PRR5L: variants seen among roughly 807,000 people sequenced by gnomAD.
The protein encoded by PRR5L is proline rich 5 like.
PRR5L carries 21 observed loss-of-function variants against 36.4 expected under a neutral mutation model. The ratio of observed to expected loss-of-function variants is 0.58; its 90% CI spans 0.41 to 0.83. The LOEUF is 0.83. PRR5L is among the 40% of genes least tolerant of loss of function. The pLI is 0.00. For synonymous variants in PRR5L, 188 were observed against 197.0 expected (o/e 0.95, Z 0.38); for missense variants, 381 against 473.3 (o/e 0.80, Z 1.81).
chr11:36,407,294 A>G (rs1857931481), intron 3 of PRR5L, among the ~76,000 whole-genome samples: 2 of 152,180 alleles, frequency 1.3e-5, no homozygotes, highest in South Asian at 4.1e-4. Flanking sequence ...GTTTGAGACC[A>G]GCTTTAATGA....
chr11:36,306,570 T>C (rs1418067752), intron 1 of PRR5L, among the ~76,000 whole-genome samples: 3 of 152,198 alleles, frequency 2.0e-5, no homozygotes, highest in African/African-American at 7.2e-5. Flanking sequence ...CTACCTTCGT[T>C]GTTGCTTCCA....
chr11:36,442,236 T>C (rs1858737087), intron 6 of PRR5L, among the ~76,000 whole-genome samples: 1 of 152,188 alleles, frequency 6.6e-6, no homozygotes, highest in South Asian at 2.1e-4. Flanking sequence ...TTATGCTCTG[T>C]TTTCCTTTTA....
intron 1 of PRR5L, among the ~76,000 whole-genome samples, chr11:36,378,107 C>T (rs1438163695): frequency 1.3e-5 from 2 of 152,164 alleles, no homozygotes; most frequent in Non-Finnish European, 2.9e-5. Context: ...CATTGCCCTA[C>T]ATACTGCAAA....
intron 1 of PRR5L, among the ~76,000 whole-genome samples, chr11:36,312,554 G>A (rs996025778): frequency 4.6e-5 from 7 of 152,140 alleles, no homozygotes; most frequent in South Asian, 4.1e-4. Context: ...CTTGAGAGGT[G>A]GTTTAAGGTG....
chr11:36,429,530 A>G (rs529759442), intron 4 of PRR5L, among the ~76,000 whole-genome samples: 29 of 152,232 alleles, frequency 1.9e-4, no homozygotes, highest in African/African-American at 6.7e-4. Context: ...GTAGATAATT[A>G]TAGTGATAGA....
At chr11:36,300,774 T>G (rs1256576991) in intron 1 of PRR5L, among the ~76,000 whole-genome samples, 1 of 152,224 alleles carries the variant, frequency 6.6e-6, no homozygotes, top group Non-Finnish European at 1.5e-5. Flanking sequence ...TGGCAGTGGT[T>G]CAGAGGCTGC....
At chr11:36,329,525 TTC>T (rs1856697740) in intron 1 of PRR5L, among the ~76,000 whole-genome samples, 1 of 152,194 alleles carries the variant, frequency 6.6e-6, no homozygotes, top group Non-Finnish European at 1.5e-5. Flanking sequence ...CATATAAAAT[TTC>T]TTTCTACAAT....
chr11:36,389,036 GTAT>G (rs1857512839), intron 1 of PRR5L, among the ~76,000 whole-genome samples: 1 of 152,194 alleles, frequency 6.6e-6, no homozygotes, highest in Non-Finnish European at 1.5e-5. Flanking sequence ...TCACCTTCCA[GTAT>G]ATGGGACACC....
At chr11:36,405,783 A>C (rs6484848) in intron 3 of PRR5L, among the ~76,000 whole-genome samples, 34,838 of 152,106 alleles carry the variant, frequency 0.23, 5,674 homozygotes, top group African/African-American at 0.47. Flanking sequence ...CCGGTCATTT[A>C]CATTCCTGGT....
At chr11:36,444,151 A>T (rs1337669897) in intron 6 of PRR5L, among the ~76,000 whole-genome samples, 2 of 152,234 alleles carry the variant, frequency 1.3e-5, no homozygotes, top group Non-Finnish European at 2.9e-5. Context: ...ATGGTTGGTT[A>T]CACACAGTGT....
chr11:36,430,766 A>G (rs1858476378), intron 4 of PRR5L, among the ~76,000 whole-genome samples: 1 of 152,240 alleles, frequency 6.6e-6, no homozygotes, highest in Non-Finnish European at 1.5e-5. Flanking sequence ...TTTACATATG[A>G]GGAGCTTGGG....
chr11:36,387,857 T>G (rs1857486294), intron 1 of PRR5L, among the ~76,000 whole-genome samples: 1 of 152,260 alleles, frequency 6.6e-6, no homozygotes, highest in Non-Finnish European at 1.5e-5. Context: ...TTCAAAGTGC[T>G]GGTTGGCCTG....
At chr11:36,410,520 A>G (rs1858002536) in intron 3 of PRR5L, among the ~76,000 whole-genome samples, 1 of 152,238 alleles carries the variant, frequency 6.6e-6, no homozygotes. Context: ...TCTTATCTGC[A>G]AAATGAGGAT....
intron 1 of PRR5L, among the ~76,000 whole-genome samples, chr11:36,305,974 G>A (rs1449757672): frequency 6.6e-6 from 1 of 152,172 alleles, no homozygotes; most frequent in Admixed American, 6.5e-5. Flanking sequence ...TGTGTATAAA[G>A]GTGCTGGCAC....
chr11:36,425,298 A>G (rs1858357705), intron 4 of PRR5L: 1 of 152,204 alleles, frequency 6.6e-6, no homozygotes. Flanking sequence ...GATGGGGGTT[A>G]TTTGTCTAAG....
chr11:36,433,200 T>A (rs1200921531), intron 5 of PRR5L, among the ~76,000 whole-genome samples: 1 of 152,172 alleles, frequency 6.6e-6, no homozygotes, highest in African/African-American at 2.4e-5. Context: ...GTGTAACAGA[T>A]CTCTAGAACT....
intron 6 of PRR5L, among the ~76,000 whole-genome samples, chr11:36,442,624 G>T (rs1858745783): frequency 6.6e-6 from 1 of 150,850 alleles, no homozygotes; most frequent in African/African-American, 2.4e-5. Flanking sequence ...ACAAGTGTGA[G>T]CTACTGTGCC....
intron 1 of PRR5L, among the ~76,000 whole-genome samples, chr11:36,370,982 G>A (rs192894749): frequency 6.6e-6 from 1 of 151,436 alleles, no homozygotes; most frequent in East Asian, 1.9e-4. Context: ...TTTTTTCCCT[G>A]TTAAGATTTG....
intron 3 of PRR5L, among the ~76,000 whole-genome samples, chr11:36,408,763 C>T (rs1463044485): frequency 6.6e-6 from 1 of 152,160 alleles, no homozygotes; most frequent in African/African-American, 2.4e-5. Flanking sequence ...GCCACCTCTC[C>T]CACTGATTTT....
Sources: gnomAD v4.1 joint callset for allele counts (sites outside exome capture counted in the v4.1 genomes callset) on GRCh38, gnomAD v4.1.1 for gene constraint, MANE v1.5 for transcripts, NCBI Gene and HGNC (gene_info 2026-07-23, HGNC 2026-07-21) for gene names.